Variants in CSMD1 observed in about 807,000 individuals in gnomAD.
CSMD1 encodes CUB and Sushi multiple domains 1, also known as CUB and sushi domain-containing protein 1.
In CSMD1, 213 loss-of-function variants were observed where a neutral mutation model predicts 417.5. That is an observed-to-expected ratio of 0.51 (90% confidence interval 0.46 to 0.57). The LOEUF is 0.57. Ranked by LOEUF, CSMD1 falls within the 20% of genes least tolerant of loss-of-function variation. The pLI, the probability that CSMD1 is intolerant of heterozygous loss-of-function variation, is 0.00. For missense variants in CSMD1, 6,923 were observed against 4,529.7 expected (o/e 1.53, Z -15.17); for synonymous variants, 2,862 against 1,736.8 (o/e 1.65, Z -16.11).
intron 46 of CSMD1, among the ~76,000 whole-genome samples, chr8:3,097,687 T>G (rs953056880): frequency 6.6e-6 from 1 of 152,218 alleles, no homozygotes; most frequent in African/African-American, 2.4e-5. Context: ...ATTTCTGGAA[T>G]TTTTCATTTA....
chr8:3,844,247 A>G (rs530361850), intron 5 of CSMD1, among the ~76,000 whole-genome samples: 2 of 152,316 alleles, frequency 1.3e-5, no homozygotes, highest in East Asian at 1.9e-4. Flanking sequence ...CTCTGTTGAG[A>G]GCAAGTTCCT....
In CSMD1 at chr8:4,934,186, C is replaced by A. The variant is rs190297889; in HGVS notation, c.85+60146G>T. Among the ~76,000 whole-genome samples the A allele has an allele frequency of 2.3e-4, 35 of 152,218 alleles. No homozygotes were observed. The East Asian group carries it at 6.2e-3, about 27-fold the overall frequency. ...CCAGGCTAACAAGAAACAGAAGAGG[C>A]TGCCTGAGCTCAGAAGCAAAGCTCC... On this transcript the variant is annotated intron_variant, in intron 1 of 69. Transcript: ENST00000635120.
At chr8:2,997,715 C>T (rs1417526383) in intron 54 of CSMD1, among the ~76,000 whole-genome samples, 1 of 152,036 alleles carries the variant, frequency 6.6e-6, no homozygotes, top group African/African-American at 2.4e-5. Context: ...CAAATGCTAA[C>T]TATACAGGGT....
chr8:3,022,313 G>A lies in CSMD1; in HGVS notation c.7856-3663C>T, dbSNP rs560400807. Among the ~76,000 whole-genome samples the A allele has an allele frequency of 2.8e-3, 405 of 144,928 alleles. 7 individuals are homozygous for A. Among genetic ancestry groups the A allele is most frequent in the African/African-American group, 0.01 (385 of 38,396 alleles). On this transcript the variant is annotated intron_variant, in intron 51 of 69. Coordinates refer to ENST00000635120, the MANE Select transcript of CSMD1 (RefSeq NM_033225.6). ...TGCACCCGCAATCCCACAGCATCCG[G>A]AATGCACCCGCAATCCCACAGCATC...
chr8:3,240,088 G>A (rs1799400331), intron 26 of CSMD1, among the ~76,000 whole-genome samples: 1 of 152,210 alleles, frequency 6.6e-6, no homozygotes, highest in Non-Finnish European at 1.5e-5. Context: ...GGTGGTGGCG[G>A]CTGCCACAAG....
intron 10 of CSMD1, among the ~76,000 whole-genome samples, chr8:3,517,946 A>T (rs1797350237): frequency 6.6e-6 from 1 of 152,184 alleles, no homozygotes; most frequent in Admixed American, 6.5e-5. Context: ...CAACAAGTCA[A>T]ATCTTCATGA....
At chr8:4,091,644 C>A (rs1800726591) in intron 3 of CSMD1, among the ~76,000 whole-genome samples, 1 of 152,170 alleles carries the variant, frequency 6.6e-6, no homozygotes, top group Non-Finnish European at 1.5e-5. Flanking sequence ...AAGAGCCCCA[C>A]AACGAGTTCT....
In CSMD1 at chr8:4,793,006, ATC is replaced by A. The variant is rs200379026; in HGVS notation, c.86-155450_86-155449del. Among the ~76,000 whole-genome samples, 548 of 138,156 alleles carry A rather than the reference ATC, an allele frequency of 4.0e-3. 5 individuals are homozygous for A. The highest frequency in any genetic ancestry group is 0.014 in the African/African-American group (531 of 38,500). The allele number at this position is 138,156 out of a possible 152,430, so 90.6% of individuals were successfully genotyped here. On this transcript the variant is annotated intron_variant, in intron 1 of 69. Coordinates refer to ENST00000635120, the MANE Select transcript of CSMD1 (RefSeq NM_033225.6). ...GCAATATATATATATATATATATAT[ATC>A]TCCACACACATACATAAGCCATTAA...
At chr8:3,320,744 T>C (rs1806098056) in intron 23 of CSMD1, among the ~76,000 whole-genome samples, 1 of 152,166 alleles carries the variant, frequency 6.6e-6, no homozygotes, top group African/African-American at 2.4e-5. Context: ...AGCCTAACTG[T>C]GGCTTGCAGG....
intron 3 of CSMD1, among the ~76,000 whole-genome samples, chr8:4,084,720 C>T (rs1221548948): frequency 6.6e-6 from 1 of 151,710 alleles, no homozygotes; most frequent in Non-Finnish European, 1.5e-5. Context: ...GAAAAAGCAG[C>T]CCCTCTGCTC....
chr8:3,745,718 G>A (rs1797034471), intron 6 of CSMD1, among the ~76,000 whole-genome samples: 1 of 152,214 alleles, frequency 6.6e-6, no homozygotes. Context: ...CCTCAGAGTA[G>A]ATTCCTTATT....
At chr8:4,270,532 G>A (rs771047845) in intron 3 of CSMD1, among the ~76,000 whole-genome samples, 5 of 152,002 alleles carry the variant, frequency 3.3e-5, no homozygotes, top group Non-Finnish European at 7.4e-5. Flanking sequence ...CTGATATCCA[G>A]CTGTGACTAG....
chr8:4,961,661 C>A (rs1390064396), intron 1 of CSMD1, among the ~76,000 whole-genome samples: 1 of 152,086 alleles, frequency 6.6e-6, no homozygotes, highest in African/African-American at 2.4e-5. Context: ...AAAAACCCTA[C>A]AAGTTGTATA....
intron 3 of CSMD1, among the ~76,000 whole-genome samples, chr8:4,105,174 T>C (rs372154417): frequency 1.3e-5 from 2 of 152,154 alleles, no homozygotes; most frequent in African/African-American, 4.8e-5. Context: ...ATCCATTCCA[T>C]GGATGCCATA....
At chr8:3,250,312 G>C (rs958029661) in intron 26 of CSMD1, among the ~76,000 whole-genome samples, 15 of 152,060 alleles carry the variant, frequency 9.9e-5, no homozygotes, top group Non-Finnish European at 1.5e-4. Context: ...TGTGGTGTTT[G>C]GTTTTTTATC....
intron 8 of CSMD1, among the ~76,000 whole-genome samples, chr8:3,615,054 A>G (rs534766765): frequency 1.3e-5 from 2 of 152,204 alleles, no homozygotes; most frequent in Non-Finnish European, 2.9e-5. Context: ...AAGAGATAAA[A>G]TTCCTGAATG....
intron 5 of CSMD1, among the ~76,000 whole-genome samples, chr8:3,899,234 T>C (rs929024164): frequency 2.0e-5 from 3 of 152,052 alleles, no homozygotes; most frequent in African/African-American, 7.2e-5. Context: ...CACAGGAAAG[T>C]TGGCACCAGT....
At chr8:3,905,777 C>T (rs905051964) in intron 5 of CSMD1, among the ~76,000 whole-genome samples, 2 of 152,202 alleles carry the variant, frequency 1.3e-5, no homozygotes, top group Admixed American at 6.5e-5. Flanking sequence ...AAACCTTGCT[C>T]AGAATTCTTC....
intron 69 of CSMD1, 128 bp downstream of exon 69, chr8:2,942,342 TAA>T (rs879881569): frequency 2.7e-3 from 1,920 of 699,564 alleles, no homozygotes; most frequent in South Asian, 4.5e-3. Context: ...AAAGTTGATT[TAA>T]AAAAAAAAAA....
Sources: allele counts gnomAD v4.1 joint callset (sites outside exome capture counted in the v4.1 genomes callset), GRCh38; gene constraint gnomAD v4.1.1; transcripts MANE v1.5; gene names NCBI Gene and HGNC (gene_info 2026-07-23, HGNC 2026-07-21).